The following EXOC6B variants were observed in gnomAD, a reference collection of about 807,000 sequenced individuals.
EXOC6B encodes the protein exocyst complex component 6B.
In EXOC6B, 54 loss-of-function variants were observed where a neutral mutation model predicts 113.5. The ratio of observed to expected loss-of-function variants is 0.48; its 90% CI spans 0.38 to 0.60. The LOEUF (loss-of-function observed/expected upper bound fraction) is 0.60. EXOC6B is among the 20% of genes least tolerant of loss of function. EXOC6B has a pLI of 0.00. For missense variants in EXOC6B, 797 were observed against 977.5 expected (o/e 0.82, Z 2.46); for synonymous variants, 357 against 339.0 (o/e 1.05, Z -0.58).
intron 20 of EXOC6B, among the ~76,000 whole-genome samples, chr2:72,271,692 T>C (rs950208171): frequency 1.3e-5 from 2 of 152,202 alleles, no homozygotes; most frequent in Admixed American, 1.3e-4. Context: ...ACTCACGTTT[T>C]CATCTTGACA....
At chr2:72,407,860 G>A (rs1291460352) in intron 18 of EXOC6B, among the ~76,000 whole-genome samples, 1 of 152,196 alleles carries the variant, frequency 6.6e-6, no homozygotes, top group African/African-American at 2.4e-5. Flanking sequence ...GGAAGTTCTG[G>A]CCAGGGCAAT....
intron 20 of EXOC6B, among the ~76,000 whole-genome samples, chr2:72,291,252 A>G (rs1271426895): frequency 6.6e-6 from 1 of 152,170 alleles, no homozygotes; most frequent in Non-Finnish European, 1.5e-5. Context: ...GCAGCACAAG[A>G]TATCTGTCTC....
intron 8 of EXOC6B, among the ~76,000 whole-genome samples, chr2:72,537,850 T>C (rs962351122): frequency 6.6e-6 from 1 of 152,208 alleles, no homozygotes; most frequent in African/African-American, 2.4e-5. Context: ...AAAATTGATG[T>C]TATTTTTGAG....
chr2:72,246,010 A>G (rs1012557024), intron 20 of EXOC6B, among the ~76,000 whole-genome samples: 1 of 152,152 alleles, frequency 6.6e-6, no homozygotes, highest in African/African-American at 2.4e-5. Context: ...TTAGTTCCTC[A>G]AATGTACCAG....
At chr2:72,563,239 A>T (rs1703987867) in intron 7 of EXOC6B, among the ~76,000 whole-genome samples, 1 of 152,154 alleles carries the variant, frequency 6.6e-6, no homozygotes, top group Non-Finnish European at 1.5e-5. Context: ...ACATTCTTCT[A>T]TAAATACACA....
intron 20 of EXOC6B, among the ~76,000 whole-genome samples, chr2:72,195,570 G>A (rs1425129142): frequency 6.6e-6 from 1 of 152,134 alleles, no homozygotes; most frequent in South Asian, 2.1e-4. Context: ...GTGAATTAGG[G>A]ACTATATTAT....
At chr2:72,385,988 G>C (rs1692000554) in intron 18 of EXOC6B, among the ~76,000 whole-genome samples, 1 of 152,132 alleles carries the variant, frequency 6.6e-6, no homozygotes, top group Non-Finnish European at 1.5e-5. Flanking sequence ...ATTACTGTAT[G>C]ATCCAGCAAT....
intron 20 of EXOC6B, among the ~76,000 whole-genome samples, chr2:72,207,310 A>G (rs1181781203): frequency 6.6e-6 from 1 of 152,222 alleles, no homozygotes; most frequent in Non-Finnish European, 1.5e-5. Context: ...CTTAGGGAAT[A>G]GTGTGAGTTA....
rs567832663 is a variant in EXOC6B at position 72,317,487 on chromosome 2, A to G, written c.2196+17460T>C. Among the ~76,000 whole-genome samples, 16 of 152,042 alleles carry G rather than the reference A, an allele frequency of 1.1e-4. No individual in the cohort carries two copies. The East Asian group carries it at 2.9e-3, about 28-fold the overall frequency. ...CTTGTCCCATTTAATTATTTCTCTC[A>G]GAGTTTATAAGGGAAGAAATAATTA... On this transcript the variant is annotated intron_variant, in intron 20 of 21. Transcript: ENST00000272427.
intron 6 of EXOC6B, among the ~76,000 whole-genome samples, chr2:72,674,903 C>T (rs968686543): frequency 6.6e-6 from 1 of 152,138 alleles, no homozygotes; most frequent in Non-Finnish European, 1.5e-5. Flanking sequence ...CTAAAGAATA[C>T]ACAGTGTCAA....
At chr2:72,514,321 A>C (rs900795429) in intron 10 of EXOC6B, among the ~76,000 whole-genome samples, 6 of 152,042 alleles carry the variant, frequency 3.9e-5, no homozygotes, top group Non-Finnish European at 2.9e-5. Context: ...ATTTGGTTCC[A>C]TTTACCAAAA....
intron 20 of EXOC6B, among the ~76,000 whole-genome samples, chr2:72,298,902 T>C (rs930134367): frequency 3.3e-5 from 5 of 152,228 alleles, no homozygotes; most frequent in African/African-American, 4.8e-5. Context: ...TTGTTCTCTC[T>C]GGCTGTCCTT....
rs571800566 is a variant in EXOC6B at position 72,371,057 on chromosome 2, AAAG to A, written c.2122+8669_2122+8671del. Among the ~76,000 whole-genome samples the A allele has an allele frequency of 9.2e-5, 14 of 151,990 alleles. No homozygotes were observed. The South Asian group carries it at 1.0e-3, about 11-fold the overall frequency. On this transcript the variant is annotated intron_variant, in intron 19 of 21. Transcript: ENST00000272427. ...ACACAAAACTCCTCCTCCAAAAAAA[AAAG>A]AAGAACAGAATAAAGAGGACTCTGT...
chr2:72,462,291 G>C (rs1454228781), intron 18 of EXOC6B: 1 of 151,910 alleles, frequency 6.6e-6, no homozygotes, highest in Non-Finnish European at 1.5e-5. Flanking sequence ...AAGTTTATTT[G>C]TTTTCTAAGT....
intron 20 of EXOC6B, among the ~76,000 whole-genome samples, chr2:72,274,453 G>A (rs1684688658): frequency 6.6e-6 from 1 of 152,108 alleles, no homozygotes; most frequent in Non-Finnish European, 1.5e-5. Context: ...CAAGTGAAAT[G>A]ACATTTACTT....
At chr2:72,368,533 A>T (rs1368187821) in intron 19 of EXOC6B, among the ~76,000 whole-genome samples, 8 of 152,222 alleles carry the variant, frequency 5.3e-5, no homozygotes, top group Non-Finnish European at 1.2e-4. Context: ...CATCATCCTG[A>T]TACTAAAGCC....
At chr2:72,533,837 T>C (rs1475959200) in intron 8 of EXOC6B, among the ~76,000 whole-genome samples, 3 of 152,182 alleles carry the variant, frequency 2.0e-5, no homozygotes, top group African/African-American at 7.2e-5. Context: ...GAAAAAGTCT[T>C]TGTCTTAACT....
intron 2 of EXOC6B, among the ~76,000 whole-genome samples, chr2:72,738,215 C>T (rs1466046380): frequency 6.6e-6 from 1 of 152,116 alleles, no homozygotes; most frequent in Admixed American, 6.6e-5. Context: ...CTCTCATGTT[C>T]TCATGCATGT....
chr2:72,690,965 T>C (rs1055379083), intron 6 of EXOC6B, among the ~76,000 whole-genome samples: 3 of 152,144 alleles, frequency 2.0e-5, no homozygotes, highest in Non-Finnish European at 4.4e-5. Context: ...GATTGGCATA[T>C]TTAAAAGAAG....
Sources: allele counts gnomAD v4.1 joint callset (sites outside exome capture counted in the v4.1 genomes callset), GRCh38; gene constraint gnomAD v4.1.1; transcripts MANE v1.5; gene names NCBI Gene and HGNC (gene_info 2026-07-23, HGNC 2026-07-21).